UTP14A: variants seen among roughly 807,000 people sequenced by gnomAD.
The protein encoded by UTP14A is UTP14A small subunit processome component, also known as U3 small nucleolar RNA-associated protein 14 homolog A.
Under a neutral mutation model 57.2 loss-of-function variants are expected in UTP14A, and 5 were observed. The observed-to-expected ratio is 0.09, with a 90% CI of 0.05 to 0.18. The LOEUF (loss-of-function observed/expected upper bound fraction) is 0.18. Ranked by LOEUF, UTP14A falls within the 10% of genes least tolerant of loss-of-function variation. The pLI is 1.00. For synonymous variants in UTP14A, 169 were observed against 210.9 expected, an observed-to-expected ratio of 0.80 and a Z score of 1.72; for missense variants, 430 against 562.1, an observed-to-expected ratio of 0.76 and a Z score of 2.38.
intron 10 of UTP14A, 95 bp downstream of exon 10, chrX:129,920,847 G>A: frequency 8.4e-7 from 1 of 1,188,654 alleles, no homozygotes; most frequent in Admixed American, 2.4e-5. Context: ...GGAAAACCAG[G>A]AATCTAAAAA....
chrX:129,908,551 A>G, intron 3 of UTP14A, 119 bp from the exon 4 acceptor site: 1 of 687,912 alleles, frequency 1.5e-6, no homozygotes, highest in Non-Finnish European at 2.3e-6. Context: ...ACAAAACATG[A>G]CCCTAGAAGA....
chrX:129,924,709 C>T (rs376382704), intron 11 of UTP14A, 86 bp from the exon 12 acceptor site: 1 of 1,085,323 alleles, frequency 9.2e-7, no homozygotes. Flanking sequence ...TGGTACCTAG[C>T]ACTTGGTGGG....
intron 11 of UTP14A, among the ~76,000 whole-genome samples, chrX:129,924,282 A>C (rs1419949220): frequency 1.3e-4 from 11 of 85,147 alleles, no homozygotes; most frequent in Non-Finnish European, 2.2e-4. Flanking sequence ...CTCACATGCT[A>C]CTTTTTTTTT....
intron 1 of UTP14A, 91 bp from the exon 2 acceptor site, chrX:129,907,274 TAA>T: frequency 1.4e-6 from 1 of 701,640 alleles, no homozygotes. Context: ...TTTCTTTTTT[TAA>T]TTTCGACTTT....
At chrX:129,917,845 A>G (rs888913236) in intron 6 of UTP14A, among the ~76,000 whole-genome samples, 2 of 110,590 alleles carry the variant, frequency 1.8e-5, no homozygotes, top group Non-Finnish European at 1.9e-5. Context: ...ATTTTTTTTC[A>G]GGCAATATCC....
intron 2 of UTP14A, 99 bp from the exon 3 acceptor site, chrX:129,907,955 CAAAAAT>C: frequency 2.6e-6 from 2 of 758,834 alleles, no homozygotes; most frequent in Non-Finnish European, 3.9e-6. Context: ...GACGCCGTCT[CAAAAAT>C]AAATAAATAA....
chrX:129,914,993 C>T (rs763333203), intron 6 of UTP14A, among the ~76,000 whole-genome samples: 1 of 111,535 alleles, frequency 9.0e-6, no homozygotes, highest in Non-Finnish European at 1.9e-5. Flanking sequence ...GGGTGGATCA[C>T]CTGAGGTTAG....
In UTP14A at chrX:129,929,567, A is replaced by T; in HGVS notation, c.2275A>T (p.Thr759Ser). 1 of 1,211,216 alleles carries T rather than the reference A, an allele frequency of 8.3e-7. No homozygotes were observed. The highest frequency in any genetic ancestry group is 2.2e-5 in the Admixed American group (1 of 45,973). The change falls in exon 15 of 15, where the codon ACA (threonine) becomes TCA (serine). Residue 759 changes from threonine (T) to serine (S), a missense_variant. Thr to Ser is a moderately conservative substitution (Grantham distance 58). Coordinates refer to ENST00000394422, the MANE Select transcript of UTP14A (RefSeq NM_006649.4). ...VIQRNPKRIT[T>S]RHKKQLKKCS... is the part of the protein sequence containing the mutation. ...ACAGAGGAATCCAAAACGAATCACC[A>T]CACGTCACAAAAAACAGCTGAAGAA... is the stretch of plus-strand genomic sequence containing the variant.
At chrX:129,923,856 C>T (rs1929997655) in intron 11 of UTP14A, among the ~76,000 whole-genome samples, 1 of 111,286 alleles carries the variant, frequency 9.0e-6, no homozygotes, top group African/African-American at 3.3e-5. Flanking sequence ...GGCAATCTTC[C>T]CAAGCAGGGT....
chrX:129,914,583 C>T (rs1198325629), intron 6 of UTP14A, among the ~76,000 whole-genome samples: 2 of 110,354 alleles, frequency 1.8e-5, no homozygotes, highest in East Asian at 2.8e-4. Flanking sequence ...ACTCTTTCCC[C>T]GCCCTCCCCC....
chrX:129,909,721 C>T (rs966750850), intron 4 of UTP14A, among the ~76,000 whole-genome samples: 6 of 111,768 alleles, frequency 5.4e-5, no homozygotes, highest in Non-Finnish European at 1.1e-4. Context: ...AGAATACATG[C>T]TCTAATAAGC....
chrX:129,917,158 A>C (rs1267780559), intron 6 of UTP14A, among the ~76,000 whole-genome samples: 1 of 112,065 alleles, frequency 8.9e-6, no homozygotes, highest in African/African-American at 3.2e-5. Flanking sequence ...ATATAGCTAC[A>C]ATCAATAAAT....
intron 2 of UTP14A, 99 bp downstream of exon 2, chrX:129,907,541 T>G: frequency 1.4e-6 from 1 of 728,526 alleles, no homozygotes; most frequent in East Asian, 3.4e-5. Flanking sequence ...TTCAGGTCTC[T>G]CAAATAAATT....
intron 3 of UTP14A, 192 bp from the exon 4 acceptor site, chrX:129,908,478 G>C (rs1442556634): frequency 2.1e-6 from 1 of 471,220 alleles, no homozygotes; most frequent in Non-Finnish European, 3.7e-6. Context: ...TTGTAATAAA[G>C]AGAAGAGATG....
intron 14 of UTP14A, among the ~76,000 whole-genome samples, chrX:129,926,640 G>GT (rs1023741699): frequency 5.4e-5 from 6 of 111,835 alleles, no homozygotes; most frequent in African/African-American, 2.0e-4. Context: ...TGAGAAGATT[G>GT]TAAGTTGTGT....
chrX:129,927,246 A>G (rs1234327166), intron 14 of UTP14A, among the ~76,000 whole-genome samples: 3 of 110,843 alleles, frequency 2.7e-5, no homozygotes, highest in African/African-American at 9.9e-5. Flanking sequence ...CATCTTTTTA[A>G]TAAGTTACTG....
At chrX:129,910,046 T>G (rs1466641494) in intron 4 of UTP14A, among the ~76,000 whole-genome samples, 1 of 111,971 alleles carries the variant, frequency 8.9e-6, no homozygotes, top group Admixed American at 9.5e-5. Flanking sequence ...GTGGCTACTT[T>G]AGATCGGTTG....
chrX:129,910,224 T>G (rs940251507), intron 4 of UTP14A, among the ~76,000 whole-genome samples: 1 of 111,475 alleles, frequency 9.0e-6, no homozygotes, highest in African/African-American at 3.3e-5. Context: ...GAGGCCCCTG[T>G]GACAAAAGCA....
At position 129,929,691 on chromosome X, in the gene UTP14A, CT is replaced by C; in HGVS notation, c.*84del. 1 of 1,098,667 alleles carries C rather than the reference CT, an allele frequency of 9.1e-7. No individual in the cohort carries two copies. Among genetic ancestry groups the C allele is most frequent in the African/African-American group, 1.8e-5 (1 of 55,057 alleles). The allele number at this position is 1,098,667 out of a possible 1,213,427, so 90.5% of individuals were successfully genotyped here. A position where few individuals can be genotyped will look rare whatever the true frequency, so the allele number is the denominator to read the frequency against. On this transcript the variant is annotated 3_prime_UTR_variant, in exon 15 of 15. Transcript: ENST00000394422. Reference sequence around the variant, plus strand: ...CTCTGATACAGGGTGGATTCCAAAACTGGCTCAGTACATTGCATGTAGTTAA... The same window carrying C: ...CTCTGATACAGGGTGGATTCCAAAACGGCTCAGTACATTGCATGTAGTTAA...
Sources: allele counts gnomAD v4.1 joint callset (sites outside exome capture counted in the v4.1 genomes callset), GRCh38; gene constraint gnomAD v4.1.1; transcripts MANE v1.5; gene names NCBI Gene and HGNC (gene_info 2026-07-23, HGNC 2026-07-21).